NR6A1: variants seen among roughly 807,000 people sequenced by gnomAD.
NR6A1 encodes nuclear receptor subfamily 6 group A member 1.
NR6A1 carries 7 observed loss-of-function variants against 59.1 expected under a neutral mutation model. The ratio of observed to expected loss-of-function variants is 0.12; its 90% confidence interval spans 0.07 to 0.22. The LOEUF is 0.22. Among genes scored for constraint, NR6A1 ranks in the 10% least tolerant of loss-of-function variants. The pLI is 1.00. For missense variants in NR6A1, 468 were observed against 611.6 expected, an observed-to-expected ratio of 0.77 and a Z score of 2.48; for synonymous variants, 243 against 236.1, an observed-to-expected ratio of 1.03 and a Z score of -0.27.
intron 2 of NR6A1, among the ~76,000 whole-genome samples, chr9:124,599,870 A>G (rs1432586471): frequency 1.3e-5 from 2 of 152,232 alleles, no homozygotes; most frequent in African/African-American, 4.8e-5. Flanking sequence ...TGAGGACAGG[A>G]AAAGGCAAAG....
rs549148898 is a variant in NR6A1, at chr9:124,674,359, T to TAAG, written c.142+58948_142+58949insCTT. Among the ~76,000 whole-genome samples, 90 of 152,292 alleles carry TAAG rather than the reference T, an allele frequency of 5.9e-4. 1 individual carries two copies. In the South Asian group the frequency reaches 0.018, roughly 31 times the overall value. On this transcript the variant is annotated intron_variant, in intron 2 of 9. Coordinates refer to ENST00000487099, the MANE Select transcript of NR6A1 (RefSeq NM_033334.4). Reference sequence around the variant, plus strand: ...GTATGAAATGGTACAGTGCAGCAATTAACGCTATGAAGCTGGATTTCCTGA... The same window carrying TAAG: ...GTATGAAATGGTACAGTGCAGCAATTAAGAACGCTATGAAGCTGGATTTCCTGA...
intron 2 of NR6A1, among the ~76,000 whole-genome samples, chr9:124,604,813 CA>C (rs1189682803): frequency 7.7e-5 from 11 of 142,810 alleles, no homozygotes; most frequent in East Asian, 2.0e-4. Context: ...GACCCTGTCT[CA>C]AAAAAAAAAT....
At chr9:124,649,001 A>G (rs1837017717) in intron 2 of NR6A1, among the ~76,000 whole-genome samples, 1 of 152,136 alleles carries the variant, frequency 6.6e-6, no homozygotes, top group South Asian at 2.1e-4. Context: ...GTGAAAGGAT[A>G]TTGTTAAAAT....
Position 124,761,394 on chromosome 9 carries a change from A to G in NR6A1, c.100+9626T>C, listed in dbSNP as rs146547846. Among the ~76,000 whole-genome samples the G allele has an allele frequency of 5.5e-3, 844 of 152,292 alleles. 7 individuals are homozygous for G. The highest frequency in any genetic ancestry group is 0.019 in the African/African-American group (802 of 41,556). On this transcript the variant is annotated intron_variant, in intron 1 of 9. Transcript: ENST00000487099. ...TGCGGTAACTCCTTATTTGTTATTC[A>G]CATTGTTATGTGACATTTCTTCAGC...
At chr9:124,714,984 G>A (rs1839372536) in intron 2 of NR6A1, among the ~76,000 whole-genome samples, 1 of 151,792 alleles carries the variant, frequency 6.6e-6, no homozygotes, top group Non-Finnish European at 1.5e-5. Flanking sequence ...CAGTTCACAA[G>A]GTCAAGAGAT....
intron 2 of NR6A1, among the ~76,000 whole-genome samples, chr9:124,637,347 A>T (rs1836638858): frequency 6.6e-6 from 1 of 152,232 alleles, no homozygotes; most frequent in Non-Finnish European, 1.5e-5. Context: ...AAGGTCTTAT[A>T]TACCAGGCTA....
Position 124,536,101 on chromosome 9 carries a change from G to A in NR6A1, c.856C>T (p.Leu286=), listed in dbSNP as rs1394608682. ...AGCTCGTCGGCCAGGCGGCAAAGCA[G>A]GGCAAATAGTTCTGCCTGTGTCACA... The part of the protein sequence containing the change: ...YAVTQAELFA[L]LCRLADELLF... The change falls in exon 7 of 10, where the codon CTG becomes TTG. Residue 286 remains leucine, a synonymous_variant. Coordinates refer to ENST00000487099, the MANE Select transcript of NR6A1 (RefSeq NM_033334.4). 4 of 1,614,026 alleles carry A rather than the reference G, an allele frequency of 2.5e-6. No individual in the cohort carries two copies. The highest frequency in any genetic ancestry group is 2.2e-5 in the East Asian group (1 of 44,880).
intron 2 of NR6A1, among the ~76,000 whole-genome samples, chr9:124,685,214 C>T (rs187512932): frequency 4.6e-5 from 7 of 152,252 alleles, no homozygotes; most frequent in Admixed American, 2.6e-4. Context: ...ATAATATGAA[C>T]GCTTTTGAAA....
intron 7 of NR6A1, among the ~76,000 whole-genome samples, chr9:124,534,226 C>T (rs1833187125): frequency 6.6e-6 from 1 of 152,092 alleles, no homozygotes; most frequent in Admixed American, 6.5e-5. Context: ...GCATGCGCCA[C>T]CACACCTGGC....
At chr9:124,641,979 A>G (rs545848233) in intron 2 of NR6A1, among the ~76,000 whole-genome samples, 1 of 152,210 alleles carries the variant, frequency 6.6e-6, no homozygotes, top group South Asian at 2.1e-4. Flanking sequence ...GGCCCAATAT[A>G]AGCTCAGGCT....
chr9:124,583,886 T>C (rs1260414765), intron 2 of NR6A1, among the ~76,000 whole-genome samples: 1 of 152,188 alleles, frequency 6.6e-6, no homozygotes, highest in African/African-American at 2.4e-5. Context: ...ACAGTATTGC[T>C]ATCAGTATGC....
chr9:124,566,257 G>A (rs1834237548), intron 2 of NR6A1, among the ~76,000 whole-genome samples: 1 of 152,228 alleles, frequency 6.6e-6, no homozygotes, highest in Non-Finnish European at 1.5e-5. Context: ...GACATACAGT[G>A]TTAAGAGTAC....
chr9:124,716,203 T>G (rs1164464457), intron 2 of NR6A1, among the ~76,000 whole-genome samples: 1 of 152,032 alleles, frequency 6.6e-6, no homozygotes, highest in Non-Finnish European at 1.5e-5. Flanking sequence ...AGGCCCTGTC[T>G]CAAAAAAATA....
At chr9:124,719,615 C>G (rs886190426) in intron 2 of NR6A1, among the ~76,000 whole-genome samples, 1 of 151,946 alleles carries the variant, frequency 6.6e-6, no homozygotes, top group Non-Finnish European at 1.5e-5. Flanking sequence ...TAAGAGTATA[C>G]GCTCATTTAA....
intron 2 of NR6A1, among the ~76,000 whole-genome samples, chr9:124,639,793 T>C (rs1176356753): frequency 2.0e-5 from 3 of 152,244 alleles, no homozygotes; most frequent in African/African-American, 7.2e-5. Context: ...TGCAGAGGTC[T>C]GTGGTCACCT....
intron 1 of NR6A1, among the ~76,000 whole-genome samples, chr9:124,754,700 T>C (rs1420519196): frequency 6.6e-6 from 1 of 152,184 alleles, no homozygotes; most frequent in Non-Finnish European, 1.5e-5. Flanking sequence ...AATGGAATAC[T>C]GGGTAAACTG....
intron 1 of NR6A1, among the ~76,000 whole-genome samples, chr9:124,737,982 G>A (rs566721130): frequency 2.0e-5 from 3 of 152,296 alleles, no homozygotes; most frequent in East Asian, 1.9e-4. Flanking sequence ...TAGGCGGGGC[G>A]TGGTAGCTCA....
intron 2 of NR6A1, among the ~76,000 whole-genome samples, chr9:124,704,864 G>A (rs1479814979): frequency 7.9e-5 from 12 of 152,038 alleles, no homozygotes; most frequent in East Asian, 7.7e-4. Context: ...CCAACCTCCC[G>A]AGTAGCTGGG....
intron 2 of NR6A1, among the ~76,000 whole-genome samples, chr9:124,666,928 G>GT (rs751308832): frequency 6.6e-6 from 1 of 152,098 alleles, no homozygotes; most frequent in Non-Finnish European, 1.5e-5. Context: ...TAGGGCTGTT[G>GT]TAAGAATTAT....
Sources: gnomAD v4.1 joint callset for allele counts (sites outside exome capture counted in the v4.1 genomes callset) on GRCh38, gnomAD v4.1.1 for gene constraint, MANE v1.5 for transcripts, NCBI Gene and HGNC (gene_info 2026-07-23, HGNC 2026-07-21) for gene names.